Variants in DGKB observed in about 807,000 individuals in gnomAD.
DGKB encodes the protein diacylglycerol kinase beta, also known as 90 kDa diacylglycerol kinase.
A neutral mutation model predicts 114.3 loss-of-function variants in DGKB; 67 were observed. That is an observed-to-expected ratio of 0.59 (90% CI 0.48 to 0.72). The LOEUF (loss-of-function observed/expected upper bound fraction) is 0.72, where lower values mean the gene tolerates loss of function less well. Ranked by LOEUF, DGKB falls within the 30% of genes least tolerant of loss-of-function variation. DGKB has a pLI of 0.00. For missense variants in DGKB, 907 were observed against 975.2 expected (o/e 0.93, Z 0.93); for synonymous variants, 398 against 323.1 (o/e 1.23, Z -2.49).
chr7:14,388,482 A>C (rs1357147297), intron 21 of DGKB, among the ~76,000 whole-genome samples: 1 of 149,814 alleles, frequency 6.7e-6, no homozygotes, highest in East Asian at 1.9e-4. Context: ...CAAATTAAAA[A>C]TACTAAAAAG....
At chr7:14,369,593 A>G (rs1276899459) in intron 21 of DGKB, among the ~76,000 whole-genome samples, 1 of 152,174 alleles carries the variant, frequency 6.6e-6, no homozygotes, top group African/African-American at 2.4e-5. Flanking sequence ...TTGCTTCCTG[A>G]CTATTTAATG....
chr7:14,222,131 T>C (rs1054261252), intron 23 of DGKB, among the ~76,000 whole-genome samples: 4 of 151,242 alleles, frequency 2.6e-5, no homozygotes, highest in Admixed American at 6.6e-5. Context: ...TATATTTTTT[T>C]CACTTTCCTA....
At chr7:14,544,797 G>C (rs955517371) in intron 20 of DGKB, among the ~76,000 whole-genome samples, 33 of 152,068 alleles carry the variant, frequency 2.2e-4, no homozygotes, top group African/African-American at 8.0e-4. Context: ...AATTCCTTAG[G>C]AGTGTCTTTT....
At chr7:14,801,397 TTGAC>T (rs1197264040) in intron 2 of DGKB, among the ~76,000 whole-genome samples, 46 of 152,140 alleles carry the variant, frequency 3.0e-4, no homozygotes, top group African/African-American at 1.1e-3. Context: ...GTGTGTCAAT[TTGAC>T]TGGGCATGGG....
intron 20 of DGKB, among the ~76,000 whole-genome samples, chr7:14,510,255 T>C (rs942323294): frequency 6.6e-6 from 1 of 152,236 alleles, no homozygotes. Flanking sequence ...GATAGCATTT[T>C]ATCCACAGGA....
chr7:14,531,732 T>C (rs1015297293), intron 20 of DGKB, among the ~76,000 whole-genome samples: 3 of 151,122 alleles, frequency 2.0e-5, no homozygotes, highest in Non-Finnish European at 4.5e-5. Flanking sequence ...CCAAAAGATT[T>C]TGAAAAGGAA....
chr7:14,575,474 C>T (rs375439552), intron 19 of DGKB, among the ~76,000 whole-genome samples: 2 of 152,248 alleles, frequency 1.3e-5, no homozygotes, highest in Admixed American at 6.5e-5. Flanking sequence ...GCAGCCTAAC[C>T]CTGACAGAGT....
chr7:14,269,362 G>A (rs1185500380), intron 23 of DGKB, among the ~76,000 whole-genome samples: 2 of 152,156 alleles, frequency 1.3e-5, no homozygotes, highest in African/African-American at 4.8e-5. Context: ...AATGGAAGCA[G>A]CATCAAAGAA....
intron 1 of DGKB, among the ~76,000 whole-genome samples, chr7:14,958,426 A>AACACACACACACACACACACACAC (rs754087921): frequency 9.8e-5 from 12 of 122,854 alleles, no homozygotes; most frequent in East Asian, 2.7e-4. Context: ...TACCTCTCCC[A>AACACACACACACACACACACACAC]ACACACACAC....
chr7:14,671,249 G>C (rs919106744), intron 13 of DGKB, among the ~76,000 whole-genome samples: 4 of 152,114 alleles, frequency 2.6e-5, no homozygotes, highest in Admixed American at 1.3e-4. Context: ...GAAAGATACT[G>C]AAAGCAAGTA....
chr7:14,472,890 T>C (rs1781622784), intron 21 of DGKB, among the ~76,000 whole-genome samples: 1 of 152,026 alleles, frequency 6.6e-6, no homozygotes, highest in Non-Finnish European at 1.5e-5. Context: ...GAGGAAGAAA[T>C]TTCTAAACAG....
intron 23 of DGKB, among the ~76,000 whole-genome samples, chr7:14,203,158 A>C (rs1318030092): frequency 6.7e-6 from 1 of 149,144 alleles, no homozygotes; most frequent in African/African-American, 2.5e-5. Flanking sequence ...AAAGAGCAGT[A>C]GCCAAAAAAA....
chr7:14,885,668 A>T (rs1480528831), intron 1 of DGKB, among the ~76,000 whole-genome samples: 1 of 151,954 alleles, frequency 6.6e-6, no homozygotes, highest in East Asian at 1.9e-4. Flanking sequence ...ACTTGCGTCA[A>T]TTGATGGTAA....
At chr7:14,892,337 C>G (rs1781376647) in intron 1 of DGKB, among the ~76,000 whole-genome samples, 1 of 151,060 alleles carries the variant, frequency 6.6e-6, no homozygotes, top group Admixed American at 6.6e-5. Context: ...ACTTACCTTA[C>G]CTATGTACTC....
rs139191761 is a variant in DGKB, at chr7:14,628,307, A to ATGTGTGTGTGTG, written c.1167+1917_1167+1928dup. 5.3e-3 allele frequency among the ~76,000 whole-genome samples: 791 copies of ATGTGTGTGTGTG among 150,536 alleles called. 6 individuals are homozygous for ATGTGTGTGTGTG. The highest frequency in any genetic ancestry group is 0.016 in the African/African-American group (639 of 41,126). ...TTAGAAAGACAAAATAACACAAGTT[A>ATGTGTGTGTGTG]TGTGTGTGTGTGTGTGTGGTGTGTA... On this transcript the variant is annotated intron_variant, in intron 14 of 25. Transcript: ENST00000402815.
chr7:14,713,743 A>C (rs999382675), intron 6 of DGKB, among the ~76,000 whole-genome samples: 1 of 151,938 alleles, frequency 6.6e-6, no homozygotes, highest in African/African-American at 2.4e-5. Flanking sequence ...ACAGGGAAGT[A>C]ACTTTTAACA....
intron 23 of DGKB, among the ~76,000 whole-genome samples, chr7:14,184,278 G>A (rs973508948): frequency 2.0e-5 from 3 of 152,136 alleles, no homozygotes; most frequent in Non-Finnish European, 4.4e-5. Flanking sequence ...TTTGAACGGG[G>A]TGGGAAGCCA....
intron 13 of DGKB, among the ~76,000 whole-genome samples, chr7:14,659,051 CT>C (rs1816469096): frequency 1.3e-5 from 2 of 151,904 alleles, no homozygotes; most frequent in South Asian, 4.1e-4. Flanking sequence ...GGTATTTGTC[CT>C]AATGTTCTCC....
intron 21 of DGKB, among the ~76,000 whole-genome samples, chr7:14,477,818 T>A (rs1325006385): frequency 1.3e-5 from 2 of 152,174 alleles, no homozygotes; most frequent in Non-Finnish European, 2.9e-5. Flanking sequence ...CAGAACCCTG[T>A]GTTTTTCCTT....
Sources: allele counts gnomAD v4.1 joint callset (sites outside exome capture counted in the v4.1 genomes callset), GRCh38; gene constraint gnomAD v4.1.1; transcripts MANE v1.5; gene names NCBI Gene and HGNC (gene_info 2026-07-23, HGNC 2026-07-21).